MEI1: variants seen among roughly 807,000 people sequenced by gnomAD.
The protein encoded by MEI1 is meiosis inhibitor protein 1.
MEI1 carries 103 observed loss-of-function variants against 146.2 expected under a neutral mutation model. The ratio of observed to expected loss-of-function variants is 0.70; its 90% confidence interval spans 0.60 to 0.83. The LOEUF (loss-of-function observed/expected upper bound fraction) is 0.83. Ranked by LOEUF, MEI1 falls within the 40% of genes least tolerant of loss-of-function variation. MEI1 has a pLI of 0.00. For missense variants in MEI1, 1,529 were observed against 1,533.0 expected (o/e 1.00, Z 0.04); for synonymous variants, 652 against 628.2 (o/e 1.04, Z -0.57).
Position 41,799,454 on chromosome 22 carries a change from A to C in MEI1, c.*155A>C. 1.5e-6 allele frequency: 1 copy of C among 675,140 alleles called. No homozygotes were observed. The highest frequency in any genetic ancestry group is 2.5e-6 in the Non-Finnish European group (1 of 401,308). 41.8% of individuals were successfully genotyped at this position (675,140 alleles called of 1,614,324 possible). On this transcript the variant is annotated 3_prime_UTR_variant, in exon 31 of 31. Coordinates refer to ENST00000401548, the MANE Select transcript of MEI1 (RefSeq NM_152513.4). ...TAAGGAAATAAAATGATACACTCAC[A>C]TACCTGCGCGAGCTCTCCAAAAACA...
At chr22:41,779,303 A>T (rs963262929) in intron 22 of MEI1, among the ~76,000 whole-genome samples, 3 of 152,126 alleles carry the variant, frequency 2.0e-5, no homozygotes, top group Admixed American at 2.0e-4. Flanking sequence ...ACAAATAATT[A>T]GCTGTGTGTC....
intron 12 of MEI1, 49 bp from the exon 13 acceptor site, chr22:41,744,922 GAC>G (rs1289860552): frequency 2.9e-5 from 34 of 1,183,352 alleles, no homozygotes; most frequent in Non-Finnish European, 3.7e-5. Flanking sequence ...CATAGACTGA[GAC>G]ACAGCATATA....
chr22:41,746,080 C>T (rs1419081340), intron 14 of MEI1, 54 bp downstream of exon 14: 12 of 1,492,550 alleles, frequency 8.0e-6, no homozygotes, highest in Non-Finnish European at 9.9e-6. Flanking sequence ...GAAGAATGTG[C>T]AGGCGAGCCA....
rs534969576 is a variant in MEI1, at chr22:41,732,781, T to G, written c.1331+178T>G. On this transcript the variant is annotated intron_variant, in intron 11 of 30. Coordinates refer to ENST00000401548, the MANE Select transcript of MEI1 (RefSeq NM_152513.4). ...AACCAACCATGGATTGAAAAATTTTTTTTTTTTTTTTTTTTGGAGATGGAG... is the reference window on the plus strand; with the variant it reads ...AACCAACCATGGATTGAAAAATTTTGTTTTTTTTTTTTTTTGGAGATGGAG... 7.9e-5 allele frequency among the ~76,000 whole-genome samples: 12 copies of G among 151,538 alleles called. 1 individual carries two copies. The South Asian group carries it at 1.7e-3, about 21-fold the overall frequency.
intron 19 of MEI1, among the ~76,000 whole-genome samples, chr22:41,769,939 A>G (rs551449560): frequency 2.1e-4 from 32 of 151,180 alleles, no homozygotes; most frequent in Admixed American, 5.3e-4. Flanking sequence ...GTTTGAAACC[A>G]GCCTGACCAA....
At chr22:41,702,374 C>G (rs2068774739) in intron 1 of MEI1, among the ~76,000 whole-genome samples, 1 of 151,924 alleles carries the variant, frequency 6.6e-6, no homozygotes, top group South Asian at 2.1e-4. Flanking sequence ...TGCCTGACCT[C>G]AGGTGAGCCA....
At chr22:41,704,323 A>G (rs1322671291) in intron 2 of MEI1, among the ~76,000 whole-genome samples, 2 of 152,118 alleles carry the variant, frequency 1.3e-5, no homozygotes, top group Non-Finnish European at 2.9e-5. Context: ...TATGCTAACA[A>G]GTGACAGAAC....
chr22:41,767,584 T>C (rs1282025130), intron 19 of MEI1: 3 of 456,014 alleles, frequency 6.6e-6, no homozygotes, highest in African/African-American at 2.0e-5. Context: ...AGCAACTTCA[T>C]TGCAGTTTGA....
chr22:41,768,243 G>A (rs141311725), intron 19 of MEI1, among the ~76,000 whole-genome samples: 184 of 152,160 alleles, frequency 1.2e-3, no homozygotes, highest in African/African-American at 4.1e-3. Context: ...TTAGCTGGGC[G>A]TGGCGGCATG....
intron 15 of MEI1, among the ~76,000 whole-genome samples, chr22:41,748,765 G>C (rs2073520846): frequency 6.6e-6 from 1 of 151,606 alleles, no homozygotes; most frequent in Non-Finnish European, 1.5e-5. Context: ...TAAGTGGTAT[G>C]CCCAGGATTC....
chr22:41,797,960 G>T (rs1441155290), intron 30 of MEI1, among the ~76,000 whole-genome samples: 1 of 152,084 alleles, frequency 6.6e-6, no homozygotes, highest in East Asian at 1.9e-4. Flanking sequence ...ATTCAGTCGT[G>T]CCCAGAATCA....
rs547875477 is a variant in MEI1, at chr22:41,699,702, C to A, written c.164C>A (p.Pro55His). Residue 55 changes from proline to histidine, a missense_variant, in exon 1 of 31, where the codon CCC becomes CAC. Physicochemically the swap from Pro to His is moderately conservative, Grantham distance 77 (BLOSUM62 -2). This residue lies in a region of MEI1 where 1,212 missense variants were observed against 1,178.9 expected (regional missense o/e 1.03). Coordinates refer to ENST00000401548, the MANE Select transcript of MEI1 (RefSeq NM_152513.4). ...TGCGCGCTGGAGCTGCTGCCGGACC[C>A]CGGCGTGTCGGTGCGGGCGGAACCT... ...LACALELLPD[P>H]GVSLVRKKHM... is the part of the protein sequence containing the mutation. The A allele has an allele frequency of 6.3e-7, 1 of 1,578,206 alleles. No homozygotes were observed. The highest frequency in any genetic ancestry group is 8.6e-7 in the Non-Finnish European group (1 of 1,163,194).
chr22:41,784,728 T>A lies in MEI1; in HGVS notation c.3290T>A (p.Leu1097Gln). The A allele has an allele frequency of 6.2e-7, 1 of 1,613,228 alleles. No individual in the cohort carries two copies. Among genetic ancestry groups the A allele is most frequent in the Non-Finnish European group, 8.5e-7 (1 of 1,179,608 alleles). ...PATKDTVLAP[L>Q]RMSQVRSLVI... ...ACCAAGGACACTGTCCTAGCTCCAC[T>A]GCGAATGTCGCAAGTCCGGTCCCTG... Residue 1097 changes from leucine to glutamine, a missense_variant, in exon 26 of 31, where the codon CTG becomes CAG. This residue lies in a region of MEI1 where 313 missense variants were observed against 337.3 expected (regional missense o/e 0.93). Transcript: ENST00000401548.
chr22:41,711,329 C>T (rs367587280), intron 3 of MEI1, among the ~76,000 whole-genome samples: 7 of 152,288 alleles, frequency 4.6e-5, no homozygotes, highest in South Asian at 2.1e-4. Flanking sequence ...CCCGCCATTG[C>T]GCCCGGCTAA....
intron 12 of MEI1, 41 bp downstream of exon 12, chr22:41,743,235 C>T (rs1192371695): frequency 1.4e-6 from 2 of 1,443,332 alleles, no homozygotes; most frequent in East Asian, 2.3e-5. Context: ...GATCATGCTG[C>T]AGTGTGTTTT....
chr22:41,708,925 A>G (rs1988153), intron 3 of MEI1, among the ~76,000 whole-genome samples: 124,334 of 152,078 alleles, frequency 0.82, 51,980 homozygotes, highest in African/African-American at 0.95. Context: ...TTTCCATACC[A>G]CAAGGCTTTT....
intron 14 of MEI1, among the ~76,000 whole-genome samples, chr22:41,746,721 G>A (rs8135192): frequency 0.016 from 2,482 of 152,222 alleles, 50 homozygotes; most frequent in Admixed American, 0.059. Flanking sequence ...TCGGGAAAGG[G>A]CAACTCCTAA....
intron 20 of MEI1, among the ~76,000 whole-genome samples, chr22:41,775,830 G>A (rs897633242): frequency 7.2e-5 from 11 of 152,002 alleles, no homozygotes; most frequent in African/African-American, 2.7e-4. Flanking sequence ...TCCTGACCTC[G>A]TGATCCACCC....
rs991370746 is a variant in MEI1, at chr22:41,713,901, A to G, written c.350-101A>G. ...AGAAAAGTATAATACCAATTAGCCCAGGCAAATCACTATCCTGCACTGATT... is the reference window on the plus strand; with the variant it reads ...AGAAAAGTATAATACCAATTAGCCCGGGCAAATCACTATCCTGCACTGATT... On this transcript the variant is annotated intron_variant, in intron 3 of 30. Coordinates refer to ENST00000401548, the MANE Select transcript of MEI1 (RefSeq NM_152513.4). The G allele has an allele frequency of 2.8e-5, 26 of 934,712 alleles. 1 individual carries two copies. In the Admixed American group the frequency reaches 3.2e-4, roughly 11 times the overall value. 57.9% of individuals were successfully genotyped at this position (934,712 alleles called of 1,614,324 possible).
Sources: allele counts gnomAD v4.1 joint callset (sites outside exome capture counted in the v4.1 genomes callset), GRCh38; gene constraint gnomAD v4.1.1; regional missense constraint gnomAD v4.1.1; transcripts MANE v1.5; gene names NCBI Gene and HGNC (gene_info 2026-07-23, HGNC 2026-07-21).